SAMD12: variants seen among roughly 807,000 people sequenced by gnomAD.
SAMD12 encodes sterile alpha motif domain containing 12, also known as sterile alpha motif domain-containing protein 12.
In SAMD12, 9 loss-of-function variants were observed where a neutral mutation model predicts 15.0. The observed-to-expected ratio is 0.60, with a 90% CI of 0.36 to 1.05. SAMD12 has a LOEUF of 1.05. SAMD12 is among the 50% of genes least tolerant of loss of function. The pLI, the probability that SAMD12 is intolerant of heterozygous loss-of-function variation, is 0.01. For synonymous variants in SAMD12, 86 were observed against 90.1 expected (o/e 0.96, Z 0.25); for missense variants, 230 against 234.2 (o/e 0.98, Z 0.12).
chr8:118,421,745 A>C (rs1039076384), intron 3 of SAMD12, among the ~76,000 whole-genome samples: 8 of 152,222 alleles, frequency 5.3e-5, no homozygotes, highest in Admixed American at 1.3e-4. Flanking sequence ...AAATTTCAGC[A>C]GACTCAGTGA....
intron 2 of SAMD12, among the ~76,000 whole-genome samples, chr8:118,478,624 A>G (rs1824034099): frequency 6.6e-6 from 1 of 152,222 alleles, no homozygotes. Context: ...AACATCATAC[A>G]GCTTGCAAAT....
intron 2 of SAMD12, among the ~76,000 whole-genome samples, chr8:118,565,940 G>A (rs1826834468): frequency 1.3e-5 from 2 of 152,236 alleles, no homozygotes; most frequent in South Asian, 4.1e-4. Flanking sequence ...ACACCATCCT[G>A]GCTCAAGACA....
At chr8:118,134,340 T>C in the SAMD12 span, among the ~76,000 whole-genome samples, 3 of 152,240 alleles carry the variant, frequency 2.0e-5, no homozygotes, top group Non-Finnish European at 4.4e-5. Flanking sequence ...GGCTTTCCCA[T>C]GAGGGGCTTT....
rs969228372 is a variant in SAMD12 at position 118,306,996 on chromosome 8, G to C, written c.433+72564C>G. On this transcript the variant is annotated intron_variant, in intron 4 of 4. Transcript: ENST00000409003. ...GTAAGATCTGGCCACTGACCAAGCT[G>C]ATATCCAACCTAGAAAATGATTAAA... 5.3e-5 allele frequency among the ~76,000 whole-genome samples: 8 copies of C among 152,170 alleles called. No homozygotes were observed. The East Asian group carries it at 1.5e-3, about 29-fold the overall frequency.
rs182590709 is a variant in SAMD12, at chr8:118,434,333, C to T, written c.322+5499G>A. On this transcript the variant is annotated intron_variant, in intron 3 of 3. Coordinates refer to ENST00000314727, the MANE Select transcript of SAMD12 (RefSeq NM_207506.3). ...TTTGTAAGCGATACTCATATGACAA[C>T]TATTTGTTCTTGTAGACATCTAAAG... Among the ~76,000 whole-genome samples the T allele has an allele frequency of 1.0e-3, 159 of 152,274 alleles. 1 individual carries two copies. The highest frequency in any genetic ancestry group is 1.8e-3 in the Non-Finnish European group (125 of 68,022).
chr8:118,258,318 A>T (rs981505256), intron 4 of SAMD12, among the ~76,000 whole-genome samples: 3 of 152,134 alleles, frequency 2.0e-5, no homozygotes, highest in African/African-American at 4.8e-5. Context: ...TGCTTTCATT[A>T]TAAACCACTT....
chr8:118,546,576 C>T (rs541680161), intron 2 of SAMD12, among the ~76,000 whole-genome samples: 16 of 152,272 alleles, frequency 1.1e-4, no homozygotes, highest in Non-Finnish European at 1.5e-4. Context: ...AATGTTTAAT[C>T]TCTGTTAATT....
Position 118,455,268 on chromosome 8 carries a change from CCTCTCTCT to C in SAMD12, c.193-15315_193-15308del, listed in dbSNP as rs57371997. 5.6e-3 allele frequency among the ~76,000 whole-genome samples: 837 copies of C among 148,728 alleles called. 8 individuals are homozygous for C. Among genetic ancestry groups the C allele is most frequent in the African/African-American group, 0.019 (772 of 40,618 alleles). ...ACACTTTCTTCTCCTGGCTTTCACA[CCTCTCTCT>C]CTCTCTCTCTCTCTCTACTGTTTAC... On this transcript the variant is annotated intron_variant, in intron 2 of 3. Transcript: ENST00000314727.
intron 3 of SAMD12, among the ~76,000 whole-genome samples, chr8:118,422,272 A>C (rs1374266129): frequency 6.6e-6 from 1 of 152,232 alleles, no homozygotes; most frequent in Admixed American, 6.5e-5. Flanking sequence ...ACCTTAGAGA[A>C]GTTTCTGGGC....
intron 2 of SAMD12, among the ~76,000 whole-genome samples, chr8:118,577,510 G>A (rs529887520): frequency 5.9e-5 from 9 of 152,254 alleles, no homozygotes; most frequent in African/African-American, 2.2e-4. Flanking sequence ...TGTGCTGAGG[G>A]ATTGGTTTCA....
intron 2 of SAMD12, among the ~76,000 whole-genome samples, chr8:118,556,469 C>T (rs931463548): frequency 2.6e-5 from 4 of 152,156 alleles, no homozygotes; most frequent in Non-Finnish European, 5.9e-5. Context: ...CCTACCTTTT[C>T]CAACTGGCAA....
At chr8:118,310,609 CT>C (rs1364129368) in intron 4 of SAMD12, among the ~76,000 whole-genome samples, 1 of 152,172 alleles carries the variant, frequency 6.6e-6, no homozygotes, top group East Asian at 1.9e-4. Context: ...GGTGGGTATG[CT>C]CTTGACTTCA....
At chr8:118,540,419 C>T (rs978001923) in intron 2 of SAMD12, among the ~76,000 whole-genome samples, 6 of 152,186 alleles carry the variant, frequency 3.9e-5, no homozygotes, top group Non-Finnish European at 1.5e-5. Context: ...GTCTCCCTTG[C>T]ACTCCCATAT....
At chr8:118,251,483 G>A (rs949692017) in intron 4 of SAMD12, among the ~76,000 whole-genome samples, 3 of 152,046 alleles carry the variant, frequency 2.0e-5, no homozygotes, top group Non-Finnish European at 4.4e-5. Context: ...TGTTCACCAG[G>A]TCTTTTTACG....
intron 2 of SAMD12, among the ~76,000 whole-genome samples, chr8:118,570,541 C>T (rs1021391013): frequency 2.6e-5 from 4 of 152,330 alleles, no homozygotes; most frequent in East Asian, 1.9e-4. Flanking sequence ...GACATGATCT[C>T]ATTCTTTTAT....
chr8:118,203,827 C>T (rs187940049), intron 4 of SAMD12, among the ~76,000 whole-genome samples: 1,677 of 149,696 alleles, frequency 0.011, 30 homozygotes, highest in African/African-American at 0.039. Context: ...TGAGAACATG[C>T]GGTGTTTGGT....
intron 4 of SAMD12, among the ~76,000 whole-genome samples, chr8:118,262,540 T>C (rs1813103444): frequency 6.6e-6 from 1 of 152,116 alleles, no homozygotes; most frequent in Admixed American, 6.6e-5. Flanking sequence ...GATGCCCATC[T>C]GAAGTCTAAA....
At chr8:118,308,796 C>T (rs780061505) in intron 4 of SAMD12, among the ~76,000 whole-genome samples, 53 of 152,034 alleles carry the variant, frequency 3.5e-4, no homozygotes, top group Non-Finnish European at 5.7e-4. Context: ...CTGCTTAACA[C>T]GCCTCCAGCC....
the SAMD12 span, among the ~76,000 whole-genome samples, chr8:118,174,231 G>T: frequency 6.6e-6 from 1 of 152,200 alleles, no homozygotes; most frequent in Admixed American, 6.5e-5. Context: ...TAAAAGGGCT[G>T]TCATAGTCAT....
Sources: allele counts gnomAD v4.1 joint callset (sites outside exome capture counted in the v4.1 genomes callset), GRCh38; gene constraint gnomAD v4.1.1; transcripts MANE v1.5; gene names NCBI Gene and HGNC (gene_info 2026-07-23, HGNC 2026-07-21).